The following MED13L variants were observed in gnomAD, a reference collection of about 807,000 sequenced individuals.
MED13L encodes mediator complex subunit 13L, also known as mediator of RNA polymerase II transcription subunit 13-like.
MED13L carries 7 observed loss-of-function variants against 220.9 expected under a neutral mutation model. The ratio of observed to expected loss-of-function variants is 0.03; its 90% confidence interval spans 0.02 to 0.06. MED13L has a LOEUF of 0.06. Among genes scored for constraint, MED13L ranks in the 10% least tolerant of loss-of-function variants. The pLI is 1.00. For missense variants in MED13L, 1,965 were observed against 2,760.5 expected (o/e 0.71, Z 6.46); for synonymous variants, 1,011 against 1,015.2 (o/e 1.00, Z 0.08).
At chr12:116,266,031 A>G (rs1313724382) in intron 1 of MED13L, among the ~76,000 whole-genome samples, 6 of 152,238 alleles carry the variant, frequency 3.9e-5, no homozygotes, top group Admixed American at 6.5e-5. Context: ...TTTTTTCCGC[A>G]TATCAGTCTA....
intron 2 of MED13L, among the ~76,000 whole-genome samples, chr12:116,167,805 T>G (rs1879391118): frequency 1.3e-5 from 2 of 152,200 alleles, no homozygotes; most frequent in South Asian, 4.1e-4. Context: ...CCTTTTGACA[T>G]GTATTGATCA....
chr12:115,975,069 A>T, intron 25 of MED13L, 102 bp downstream of exon 25: 1 of 1,206,348 alleles, frequency 8.3e-7, no homozygotes, highest in Non-Finnish European at 1.2e-6. Context: ...GAATCTGTTT[A>T]ATTCTTACAA....
At chr12:116,045,316 G>A (rs1881767276) in intron 4 of MED13L, among the ~76,000 whole-genome samples, 1 of 152,016 alleles carries the variant, frequency 6.6e-6, no homozygotes, top group Admixed American at 6.5e-5. Context: ...GAGTCCCCCT[G>A]GCTGAGACAA....
At chr12:115,978,330 T>C (rs997512737) in intron 23 of MED13L, among the ~76,000 whole-genome samples, 29 of 148,814 alleles carry the variant, frequency 1.9e-4, no homozygotes, top group Non-Finnish European at 6.0e-5. Context: ...TTTTTTCTTT[T>C]TTTTTTTTTT....
chr12:116,073,672 A>G (rs935097518), intron 4 of MED13L, among the ~76,000 whole-genome samples: 3 of 152,244 alleles, frequency 2.0e-5, no homozygotes, highest in African/African-American at 7.2e-5. Context: ...GAAGGTAAAT[A>G]AGTACATGTT....
intron 20 of MED13L, 79 bp downstream of exon 20, chr12:115,984,101 G>A: frequency 7.1e-7 from 1 of 1,406,904 alleles, no homozygotes; most frequent in Non-Finnish European, 9.8e-7. Flanking sequence ...ATATAATGTT[G>A]CATCTATAAA....
chr12:116,054,577 C>T (rs923871192), intron 4 of MED13L, among the ~76,000 whole-genome samples: 1 of 152,132 alleles, frequency 6.6e-6, no homozygotes, highest in African/African-American at 2.4e-5. Context: ...AAAAGAATAG[C>T]TTTCATGTAA....
At chr12:116,081,111 G>A (rs546018517) in intron 4 of MED13L, among the ~76,000 whole-genome samples, 1 of 152,304 alleles carries the variant, frequency 6.6e-6, no homozygotes, top group African/African-American at 2.4e-5. Context: ...CTGACAAAGA[G>A]AGAGCCCCTA....
At chr12:116,235,253 T>C (rs868075043) in intron 2 of MED13L, among the ~76,000 whole-genome samples, 1 of 152,166 alleles carries the variant, frequency 6.6e-6, no homozygotes, top group South Asian at 2.1e-4. Context: ...AAAAACTTGC[T>C]CAAAATTCAT....
chr12:116,120,861 G>C (rs1328071154), intron 2 of MED13L, among the ~76,000 whole-genome samples: 2 of 152,060 alleles, frequency 1.3e-5, no homozygotes, highest in East Asian at 1.9e-4. Context: ...TGCATAATGG[G>C]AGAATTTTCC....
intron 1 of MED13L, chr12:116,276,349 T>TGCGTGC: frequency 1.5e-6 from 1 of 646,312 alleles, no homozygotes. Context: ...TGTGTGTGTG[T>TGCGTGC]GTGCGGATTC....
chr12:116,119,516 A>C (rs1049550674), intron 2 of MED13L, among the ~76,000 whole-genome samples: 25 of 152,064 alleles, frequency 1.6e-4, no homozygotes, highest in African/African-American at 5.8e-4. Context: ...AATACAGTTG[A>C]TTCTAATCTC....
chr12:116,276,318 GTGTGTGTGT>G, intron 1 of MED13L: 1 of 383,252 alleles, frequency 2.6e-6, no homozygotes, highest in Non-Finnish European at 4.7e-6. Flanking sequence ...TTGTGTGTGT[GTGTGTGTGT>G]GTGTGTGTGT....
At chr12:115,985,907 T>C (rs551963841) in intron 19 of MED13L, among the ~76,000 whole-genome samples, 1 of 152,256 alleles carries the variant, frequency 6.6e-6, no homozygotes, top group African/African-American at 2.4e-5. Context: ...AGTAAATAAA[T>C]ACAAAGAGTA....
intron 4 of MED13L, among the ~76,000 whole-genome samples, chr12:116,038,347 G>A (rs1484852344): frequency 6.6e-6 from 1 of 152,048 alleles, no homozygotes; most frequent in African/African-American, 2.4e-5. Flanking sequence ...AGGATCAACT[G>A]ACACTGAAAT....
At chr12:116,137,516 C>A (rs1355463176) in intron 2 of MED13L, among the ~76,000 whole-genome samples, 1 of 151,968 alleles carries the variant, frequency 6.6e-6, no homozygotes. Flanking sequence ...TTTGGAAACT[C>A]ACGGGGTTTC....
At position 116,038,455 on chromosome 12, in the gene MED13L, G is replaced by A. The variant is rs146577068; in HGVS notation, c.480-15854C>T. Among the ~76,000 whole-genome samples, 3 of 152,072 alleles carry A rather than the reference G, an allele frequency of 2.0e-5. No homozygotes were observed. In the East Asian group the frequency reaches 5.8e-4, roughly 29 times the overall value. The stretch of plus-strand genomic sequence containing the variant: ...TGTACCTTCCCAAATTACAAAATGT[G>A]TCTCATTGTACACCTTAAAATCAGG... On this transcript the variant is annotated intron_variant, in intron 4 of 30. Coordinates refer to ENST00000281928, the MANE Select transcript of MED13L (RefSeq NM_015335.5).
intron 9 of MED13L, among the ~76,000 whole-genome samples, chr12:116,011,005 C>G (rs1566008969): frequency 4.6e-5 from 7 of 151,508 alleles, no homozygotes; most frequent in Admixed American, 4.6e-4. Flanking sequence ...GCCTCCTGAG[C>G]AGCTGGGATT....
At chr12:116,176,484 G>C (rs560981776) in intron 2 of MED13L, among the ~76,000 whole-genome samples, 232 of 152,232 alleles carry the variant, frequency 1.5e-3, no homozygotes, top group Non-Finnish European at 2.6e-3. Flanking sequence ...AACAACAAGA[G>C]GATATGAAGA....
Sources: allele counts gnomAD v4.1 joint callset (sites outside exome capture counted in the v4.1 genomes callset), GRCh38; gene constraint gnomAD v4.1.1; transcripts MANE v1.5; gene names NCBI Gene and HGNC (gene_info 2026-07-23, HGNC 2026-07-21).